Variants in CSMD1 observed in about 807,000 individuals in gnomAD.
The protein encoded by CSMD1 is CUB and sushi domain-containing protein 1.
CSMD1 carries 213 observed loss-of-function variants against 417.5 expected under a neutral mutation model. The observed-to-expected ratio is 0.51, with a 90% confidence interval of 0.46 to 0.57. CSMD1 has a LOEUF of 0.57. CSMD1 is among the 20% of genes least tolerant of loss of function. CSMD1 has a pLI of 0.00. For synonymous variants in CSMD1, 2,862 were observed against 1,736.8 expected, an observed-to-expected ratio of 1.65 and a Z score of -16.11; for missense variants, 6,923 against 4,529.7, an observed-to-expected ratio of 1.53 and a Z score of -15.17.
At chr8:4,462,911 T>C (rs1799925222) in intron 2 of CSMD1, among the ~76,000 whole-genome samples, 1 of 152,148 alleles carries the variant, frequency 6.6e-6, no homozygotes, top group Non-Finnish European at 1.5e-5. Flanking sequence ...TTAAGCAAAG[T>C]CTTCTTAGAT....
chr8:3,194,669 C>A (rs1024583832), intron 33 of CSMD1, among the ~76,000 whole-genome samples: 1 of 151,378 alleles, frequency 6.6e-6, no homozygotes, highest in Non-Finnish European at 1.5e-5. Context: ...GGGATTTCGC[C>A]ATGTTAGCCA....
intron 10 of CSMD1, among the ~76,000 whole-genome samples, chr8:3,504,929 G>A (rs1477964923): frequency 3.3e-5 from 5 of 152,040 alleles, no homozygotes; most frequent in African/African-American, 9.7e-5. Flanking sequence ...GAAATGGGCA[G>A]AGATAGAAAA....
intron 1 of CSMD1, among the ~76,000 whole-genome samples, chr8:4,877,301 T>A (rs1039379242): frequency 1.3e-5 from 2 of 152,192 alleles, no homozygotes; most frequent in African/African-American, 4.8e-5. Context: ...AATATAAGAT[T>A]GGCTGCATTT....
At chr8:4,907,112 G>T (rs1175303717) in intron 1 of CSMD1, among the ~76,000 whole-genome samples, 1 of 152,182 alleles carries the variant, frequency 6.6e-6, no homozygotes, top group Non-Finnish European at 1.5e-5. Flanking sequence ...GATAATTGCT[G>T]CTTTCTGTGT....
At chr8:3,655,935 GCC>G (rs925967803) in intron 7 of CSMD1, among the ~76,000 whole-genome samples, 4 of 152,124 alleles carry the variant, frequency 2.6e-5, no homozygotes, top group African/African-American at 7.2e-5. Flanking sequence ...CAGGACTGGA[GCC>G]CTCCAGAGAC....
chr8:3,834,337 A>G (rs978183623), intron 5 of CSMD1, among the ~76,000 whole-genome samples: 17 of 152,120 alleles, frequency 1.1e-4, no homozygotes, highest in African/African-American at 4.1e-4. Context: ...CTCACTGCTT[A>G]TAGGTAAGGT....
At chr8:4,050,985 G>C (rs923154729) in intron 3 of CSMD1, among the ~76,000 whole-genome samples, 3 of 152,104 alleles carry the variant, frequency 2.0e-5, no homozygotes, top group African/African-American at 7.2e-5. Flanking sequence ...TGGAGGAGGA[G>C]TGACATGCCC....
intron 3 of CSMD1, among the ~76,000 whole-genome samples, chr8:4,254,328 G>T (rs146207965): frequency 8.5e-4 from 129 of 152,176 alleles, no homozygotes; most frequent in Non-Finnish European, 1.5e-3. Context: ...GATAACATTC[G>T]TTCTATGGAG....
At chr8:4,429,795 C>T (rs2128946119) in intron 2 of CSMD1, among the ~76,000 whole-genome samples, 1 of 152,300 alleles carries the variant, frequency 6.6e-6, no homozygotes, top group South Asian at 2.1e-4. Context: ...AATATACCGG[C>T]AATCCCCTCC....
chr8:4,179,209 G>T (rs527866774), intron 3 of CSMD1, among the ~76,000 whole-genome samples: 4 of 152,050 alleles, frequency 2.6e-5, no homozygotes, highest in Non-Finnish European at 5.9e-5. Context: ...AAAACAGCAT[G>T]GTACTGGTAC....
rs981624544 is a variant in CSMD1 at position 2,956,881 on chromosome 8, A to T, written c.9814+815T>A. Among the ~76,000 whole-genome samples, 12 of 152,282 alleles carry T rather than the reference A, an allele frequency of 7.9e-5. No individual in the cohort carries two copies. In the East Asian group the frequency reaches 2.3e-3, roughly 29 times the overall value. ...ATTATATATAAACATGCATATATAT[A>T]TGTGTATGTATATACATATATATGT... On this transcript the variant is annotated intron_variant, in intron 63 of 69. Transcript: ENST00000635120.
At chr8:4,975,359 T>C (rs1021579796) in intron 1 of CSMD1, among the ~76,000 whole-genome samples, 3 of 152,188 alleles carry the variant, frequency 2.0e-5, no homozygotes, top group Admixed American at 6.5e-5. Context: ...AAAAGAATAA[T>C]TGCACACATA....
rs1395799694 is a variant in CSMD1, at chr8:4,411,600, AG to A, written c.415+8352del. Among the ~76,000 whole-genome samples, 3 of 152,192 alleles carry A rather than the reference AG, an allele frequency of 2.0e-5. No individual in the cohort carries two copies. In the East Asian group the frequency reaches 5.8e-4, roughly 29 times the overall value. On this transcript the variant is annotated intron_variant, in intron 3 of 69. Transcript: ENST00000635120. The stretch of plus-strand genomic sequence containing the variant: ...AATGAGCTAAATAACAGTTATACGG[AG>A]AAAAATACAGCAATCCTTCCACCTG...
intron 5 of CSMD1, among the ~76,000 whole-genome samples, chr8:3,779,356 T>A (rs1024413066): frequency 1.3e-5 from 2 of 152,166 alleles, no homozygotes; most frequent in Non-Finnish European, 2.9e-5. Context: ...AGCTACAAAT[T>A]GTAATGACCC....
chr8:3,118,649 T>A, intron 41 of CSMD1, 62 bp from the exon 42 acceptor site: 2 of 1,469,364 alleles, frequency 1.4e-6, no homozygotes, highest in Non-Finnish European at 1.9e-6. Flanking sequence ...CTTCGGAATT[T>A]GCAGGAGTGT....
intron 3 of CSMD1, among the ~76,000 whole-genome samples, chr8:4,118,226 C>A (rs1053544530): frequency 3.3e-5 from 5 of 152,066 alleles, no homozygotes; most frequent in Admixed American, 6.6e-5. Flanking sequence ...ATTTTTAGCA[C>A]ATGCTTTGTT....
chr8:4,128,145 C>G lies in CSMD1; in HGVS notation c.416-96046G>C, dbSNP rs77477808. ...CAGGCCAGCACTCCCACCCCCACCT[C>G]TGGAGAAAAGTTTGCACTCTTGGTC... On this transcript the variant is annotated intron_variant, in intron 3 of 69. Coordinates refer to ENST00000635120, the MANE Select transcript of CSMD1 (RefSeq NM_033225.6). Among the ~76,000 whole-genome samples, 10 of 152,240 alleles carry G rather than the reference C, an allele frequency of 6.6e-5. No individual in the cohort carries two copies. The East Asian group carries it at 1.7e-3, about 27-fold the overall frequency.
At chr8:3,699,767 G>A (rs571137084) in intron 7 of CSMD1, among the ~76,000 whole-genome samples, 7 of 152,212 alleles carry the variant, frequency 4.6e-5, no homozygotes, top group African/African-American at 1.7e-4. Flanking sequence ...ACGAGGGACT[G>A]TTGAATGTGT....
At chr8:3,559,948 G>A (rs989303033) in intron 10 of CSMD1, among the ~76,000 whole-genome samples, 3 of 152,116 alleles carry the variant, frequency 2.0e-5, no homozygotes, top group Non-Finnish European at 4.4e-5. Flanking sequence ...AGGTGACAGA[G>A]GAGGAAAGCC....
Sources: gnomAD v4.1 joint callset for allele counts (sites outside exome capture counted in the v4.1 genomes callset) on GRCh38, gnomAD v4.1.1 for gene constraint, MANE v1.5 for transcripts, NCBI Gene and HGNC (gene_info 2026-07-23, HGNC 2026-07-21) for gene names.